RIPOR2: variants seen among roughly 807,000 people sequenced by gnomAD.
The protein encoded by RIPOR2 is rho family-interacting cell polarization regulator 2.
Under a neutral mutation model 114.5 loss-of-function variants are expected in RIPOR2, and 39 were observed. The observed-to-expected ratio is 0.34, with a 90% confidence interval of 0.26 to 0.44. The LOEUF (loss-of-function observed/expected upper bound fraction) is 0.44. Ranked by LOEUF, RIPOR2 falls within the 20% of genes least tolerant of loss-of-function variation. The pLI is 1.00. For synonymous variants in RIPOR2, 445 were observed against 484.4 expected, an observed-to-expected ratio of 0.92 and a Z score of 1.07; for missense variants, 1,007 against 1,255.1, an observed-to-expected ratio of 0.80 and a Z score of 2.99.
intron 1 of RIPOR2, among the ~76,000 whole-genome samples, chr6:25,001,067 T>G (rs984976355): frequency 2.0e-5 from 3 of 152,192 alleles, no homozygotes; most frequent in African/African-American, 7.2e-5. Context: ...CTGGTGCATG[T>G]GCACACACAT....
At chr6:24,819,590 T>G (rs1229550878) in intron 19 of RIPOR2, among the ~76,000 whole-genome samples, 1 of 149,670 alleles carries the variant, frequency 6.7e-6, no homozygotes, top group African/African-American at 2.5e-5. Flanking sequence ...CTCGGCTCAC[T>G]GTAACCTCCA....
chr6:24,987,160 A>G (rs1390501311), intron 1 of RIPOR2, among the ~76,000 whole-genome samples: 1 of 152,122 alleles, frequency 6.6e-6, no homozygotes, highest in Non-Finnish European at 1.5e-5. Flanking sequence ...TGAATGCCCA[A>G]CTCTCAACTG....
At chr6:24,836,393 G>A (rs904122415) in intron 14 of RIPOR2, among the ~76,000 whole-genome samples, 3 of 152,206 alleles carry the variant, frequency 2.0e-5, no homozygotes, top group African/African-American at 7.2e-5. Flanking sequence ...TAAAAAGGGT[G>A]TTTGAATATT....
chr6:24,878,891 A>AGGTGGC (rs1766078518), intron 1 of RIPOR2, among the ~76,000 whole-genome samples: 1 of 92,912 alleles, frequency 1.1e-5, no homozygotes, highest in African/African-American at 5.6e-5. Context: ...TAAACGCTGG[A>AGGTGGC]GAGTAAAACA....
chr6:25,002,772 G>A (rs1022198941), intron 1 of RIPOR2, among the ~76,000 whole-genome samples: 12 of 152,234 alleles, frequency 7.9e-5, no homozygotes, highest in African/African-American at 2.9e-4. Flanking sequence ...ATGTAGAAGT[G>A]ATGGCAGCCA....
chr6:24,933,044 A>G (rs1771524392), intron 1 of RIPOR2, among the ~76,000 whole-genome samples: 1 of 152,198 alleles, frequency 6.6e-6, no homozygotes, highest in African/African-American at 2.4e-5. Context: ...CTCCAGCTAT[A>G]CCACAGCAGG....
At chr6:24,913,107 G>A (rs1200910438) in intron 1 of RIPOR2, among the ~76,000 whole-genome samples, 1 of 152,068 alleles carries the variant, frequency 6.6e-6, no homozygotes, top group Non-Finnish European at 1.5e-5. Context: ...TTGGGCTGAG[G>A]GGTATCTTGC....
chr6:24,967,993 A>G (rs574226582), intron 1 of RIPOR2, among the ~76,000 whole-genome samples: 468 of 147,628 alleles, frequency 3.2e-3, no homozygotes, highest in African/African-American at 9.7e-3. Context: ...GCTCACTGCA[A>G]CCTCCGCCTC....
At chr6:24,913,782 C>T (rs1335056729) in intron 1 of RIPOR2, among the ~76,000 whole-genome samples, 1 of 152,048 alleles carries the variant, frequency 6.6e-6, no homozygotes, top group African/African-American at 2.4e-5. Context: ...TCTTACTATC[C>T]CTTAGGCAGG....
intron 1 of RIPOR2, among the ~76,000 whole-genome samples, chr6:24,951,993 G>A (rs1420277009): frequency 6.6e-6 from 1 of 152,122 alleles, no homozygotes; most frequent in Non-Finnish European, 1.5e-5. Context: ...TTCTGCAGTG[G>A]ACATTGCCAC....
chr6:24,885,752 A>G (rs1026449184), intron 1 of RIPOR2, among the ~76,000 whole-genome samples: 4 of 147,750 alleles, frequency 2.7e-5, no homozygotes, highest in African/African-American at 1.1e-4. Context: ...TATACATAAG[A>G]CCTGGTATGT....
intron 1 of RIPOR2, among the ~76,000 whole-genome samples, chr6:24,893,429 G>A (rs1767559376): frequency 6.6e-6 from 1 of 152,198 alleles, no homozygotes; most frequent in African/African-American, 2.4e-5. Context: ...ATGTAAGAAT[G>A]GGGGACATAG....
intron 1 of RIPOR2, among the ~76,000 whole-genome samples, chr6:24,964,279 C>T (rs1773432425): frequency 6.6e-6 from 1 of 151,966 alleles, no homozygotes; most frequent in Non-Finnish European, 1.5e-5. Flanking sequence ...TCATGCTACC[C>T]CTGTATAGTC....
chr6:24,925,050 T>C (rs1770761036), intron 1 of RIPOR2, among the ~76,000 whole-genome samples: 1 of 152,256 alleles, frequency 6.6e-6, no homozygotes, highest in Admixed American at 6.5e-5. Flanking sequence ...ATTGAGATTC[T>C]AGGTTAGTGA....
chr6:24,840,532 G>T, intron 13 of RIPOR2: 1 of 1,433,420 alleles, frequency 7.0e-7, no homozygotes, highest in Non-Finnish European at 9.1e-7. Context: ...GGTCGAATGG[G>T]ACAAATTCTG....
chr6:24,817,838 A>G (rs1249158179), intron 20 of RIPOR2, among the ~76,000 whole-genome samples: 2 of 152,128 alleles, frequency 1.3e-5, no homozygotes, highest in African/African-American at 4.8e-5. Flanking sequence ...CTGGGAATTC[A>G]GTGGCATACT....
At chr6:25,041,133 C>A (rs13437174) in intron 1 of RIPOR2, among the ~76,000 whole-genome samples, 3 of 152,142 alleles carry the variant, frequency 2.0e-5, no homozygotes, top group Admixed American at 1.3e-4. Context: ...TATTCCTTAC[C>A]CCTGTGAAAA....
intron 1 of RIPOR2, chr6:25,023,376 C>G: frequency 1.3e-6 from 1 of 784,358 alleles, no homozygotes. Context: ...CTCACCGGCT[C>G]CTCGTTGTAG....
intron 1 of RIPOR2, among the ~76,000 whole-genome samples, chr6:24,962,881 TG>T (rs2114224132): frequency 6.6e-6 from 1 of 152,242 alleles, no homozygotes; most frequent in Admixed American, 6.5e-5. Context: ...TGATTGGAAG[TG>T]GAAAAATGAA....
Sources: allele counts gnomAD v4.1 joint callset (sites outside exome capture counted in the v4.1 genomes callset), GRCh38; gene constraint gnomAD v4.1.1; transcripts MANE v1.5; gene names NCBI Gene and HGNC (gene_info 2026-07-23, HGNC 2026-07-21).